The following ARHGEF33 variants were observed in gnomAD, a reference collection of about 807,000 sequenced individuals.
ARHGEF33 encodes the protein Rho guanine nucleotide exchange factor 33.
A neutral mutation model predicts 101.9 loss-of-function variants in ARHGEF33; 72 were observed. The ratio of observed to expected loss-of-function variants is 0.71; its 90% CI spans 0.58 to 0.86. The LOEUF (loss-of-function observed/expected upper bound fraction) is 0.86. ARHGEF33 is among the 40% of genes least tolerant of loss of function. The probability of loss-of-function intolerance (pLI) is 0.00; values close to 1 mark genes in which losing one functional copy is unlikely to be tolerated. For missense variants in ARHGEF33, 1,169 were observed against 1,111.3 expected, an observed-to-expected ratio of 1.05 and a Z score of -0.74; for synonymous variants, 499 against 442.5, an observed-to-expected ratio of 1.13 and a Z score of -1.60.
At chr2:38,895,091 C>T (rs2124976243) in intron 1 of ARHGEF33, among the ~76,000 whole-genome samples, 1 of 152,204 alleles carries the variant, frequency 6.6e-6, no homozygotes, top group South Asian at 2.1e-4. Flanking sequence ...ACTCTATGTC[C>T]CAGTCTCCCT....
chr2:38,900,899 T>C (rs191277968), intron 2 of ARHGEF33, among the ~76,000 whole-genome samples: 11 of 152,222 alleles, frequency 7.2e-5, no homozygotes, highest in Admixed American at 1.3e-4. Context: ...AAGAGGAGGC[T>C]CCCGAGAGCA....
chr2:38,926,707 G>A (rs1425778512), intron 4 of ARHGEF33, among the ~76,000 whole-genome samples: 3 of 152,146 alleles, frequency 2.0e-5, no homozygotes, highest in Non-Finnish European at 2.9e-5. Context: ...AGGGAGGAAG[G>A]TCCTTTTCCT....
intron 2 of ARHGEF33, among the ~76,000 whole-genome samples, chr2:38,899,493 C>G (rs1666196637): frequency 6.6e-6 from 1 of 151,934 alleles, no homozygotes; most frequent in African/African-American, 2.4e-5. Flanking sequence ...TATGTGGAAT[C>G]TAAATAGTCA....
At chr2:38,961,608 C>G in intron 16 of ARHGEF33, among the ~76,000 whole-genome samples, 1 of 152,132 alleles carries the variant, frequency 6.6e-6, no homozygotes, top group East Asian at 1.9e-4. Flanking sequence ...TTTTCTCATT[C>G]ATTAATTTTT....
chr2:38,929,331 A>T (rs1666942386), intron 5 of ARHGEF33, among the ~76,000 whole-genome samples: 1 of 152,090 alleles, frequency 6.6e-6, no homozygotes, highest in South Asian at 2.1e-4. Flanking sequence ...CGGGAGACTG[A>T]GGCAGGAGAA....
At chr2:38,966,348 G>C (rs1294820059) in intron 17 of ARHGEF33, among the ~76,000 whole-genome samples, 1 of 152,200 alleles carries the variant, frequency 6.6e-6, no homozygotes, top group African/African-American at 2.4e-5. Context: ...TCAGCTCTCT[G>C]CCCTGCCTCT....
intron 3 of ARHGEF33, among the ~76,000 whole-genome samples, chr2:38,920,610 G>T (rs1317478017): frequency 6.6e-6 from 1 of 151,896 alleles, no homozygotes; most frequent in Non-Finnish European, 1.5e-5. Context: ...GTTTCACCAT[G>T]TTGGCCAAGC....
intron 10 of ARHGEF33, among the ~76,000 whole-genome samples, chr2:38,948,510 C>G (rs1174564929): frequency 6.8e-6 from 1 of 146,006 alleles, no homozygotes; most frequent in Non-Finnish European, 1.5e-5. Flanking sequence ...GAATGCAGCT[C>G]TCTGGAAAGA....
intron 2 of ARHGEF33, among the ~76,000 whole-genome samples, chr2:38,901,492 C>T (rs546482974): frequency 2.0e-5 from 3 of 152,230 alleles, no homozygotes; most frequent in Admixed American, 6.5e-5. Flanking sequence ...CTTCTGAGCT[C>T]GGTACTTCAG....
At chr2:38,950,536 G>C (rs987881593) in intron 10 of ARHGEF33, among the ~76,000 whole-genome samples, 1 of 152,074 alleles carries the variant, frequency 6.6e-6, no homozygotes, top group Admixed American at 6.6e-5. Flanking sequence ...ACTGCAACCT[G>C]TACCTCCCGG....
intron 2 of ARHGEF33, among the ~76,000 whole-genome samples, chr2:38,913,196 T>G: frequency 6.6e-6 from 1 of 152,082 alleles, no homozygotes; most frequent in East Asian, 1.9e-4. Context: ...TCAACAAATT[T>G]GATGAACTTA....
At chr2:38,922,105 C>A (rs763064959) in intron 4 of ARHGEF33, among the ~76,000 whole-genome samples, 1 of 152,168 alleles carries the variant, frequency 6.6e-6, no homozygotes, top group African/African-American at 2.4e-5. Flanking sequence ...TGTCTCCCAA[C>A]TGTAAATTTA....
At chr2:38,890,706 A>G (rs1046900724) in intron 1 of ARHGEF33, among the ~76,000 whole-genome samples, 1 of 152,170 alleles carries the variant, frequency 6.6e-6, no homozygotes, top group Non-Finnish European at 1.5e-5. Flanking sequence ...ACCCTTTTAT[A>G]TTTTTAATAG....
rs1261672970 is a variant in ARHGEF33, at chr2:38,938,111, G to C, written c.790+552G>C. Among the ~76,000 whole-genome samples the C allele has an allele frequency of 3.9e-5, 6 of 152,144 alleles. No individual in the cohort carries two copies. In the East Asian group the frequency reaches 1.2e-3, roughly 29 times the overall value. On this transcript the variant is annotated intron_variant, in intron 9 of 17. Coordinates refer to ENST00000409978, the MANE Select transcript of ARHGEF33 (RefSeq NM_001145451.5). ...ATTAAAAGGTTTGTTATGAAGAAGA[G>C]CGCCAACAACTTTAAACTCTTTTGA...
At chr2:38,948,336 G>T (rs1029889115) in intron 10 of ARHGEF33, among the ~76,000 whole-genome samples, 1 of 152,156 alleles carries the variant, frequency 6.6e-6, no homozygotes, top group Non-Finnish European at 1.5e-5. Flanking sequence ...TCCACTGTAG[G>T]TCATTGTTTT....
chr2:38,937,311 C>CTTGGGGGG, intron 8 of ARHGEF33, 24 bp from the exon 9 acceptor site: 2 of 583,930 alleles, frequency 3.4e-6, no homozygotes, highest in Non-Finnish European at 3.0e-6. Context: ...CTTTGTTTCC[C>CTTGGGGGG]CGCCCCTCCC....
chr2:38,942,774 T>C (rs1021376518), intron 9 of ARHGEF33, among the ~76,000 whole-genome samples: 9 of 152,234 alleles, frequency 5.9e-5, no homozygotes, highest in Admixed American at 5.2e-4. Context: ...TTTTATAGTA[T>C]AAGCTTTATG....
chr2:38,947,461 C>G (rs1252492772), intron 10 of ARHGEF33, among the ~76,000 whole-genome samples: 1 of 152,206 alleles, frequency 6.6e-6, no homozygotes, highest in Non-Finnish European at 1.5e-5. Context: ...CCAGTCACAG[C>G]TCACTGCAGC....
At chr2:38,922,128 G>C (rs1666772513) in intron 4 of ARHGEF33, among the ~76,000 whole-genome samples, 1 of 152,096 alleles carries the variant, frequency 6.6e-6, no homozygotes. Flanking sequence ...GCACATCTCT[G>C]TTCTTAAAAA....
Sources: allele counts gnomAD v4.1 joint callset (sites outside exome capture counted in the v4.1 genomes callset), GRCh38; gene constraint gnomAD v4.1.1; transcripts MANE v1.5; gene names NCBI Gene and HGNC (gene_info 2026-07-23, HGNC 2026-07-21).